The following C12orf42 variants were observed in gnomAD, a reference collection of about 807,000 sequenced individuals.
C12orf42 encodes the protein chromosome 12 open reading frame 42, also known as uncharacterized protein C12orf42.
A neutral mutation model predicts 21.6 loss-of-function variants in C12orf42; 25 were observed. The ratio of observed to expected loss-of-function variants is 1.16; its 90% CI spans 0.84 to 1.62. C12orf42 has a LOEUF of 1.62. Ranked by LOEUF, C12orf42 falls within the 40% of genes most tolerant of loss-of-function variation. The probability of loss-of-function intolerance (pLI) is 0.00; values close to 1 mark genes in which losing one functional copy is unlikely to be tolerated. For synonymous variants in C12orf42, 174 were observed against 175.0 expected, an observed-to-expected ratio of 0.99 and a Z score of 0.05; for missense variants, 483 against 459.3, an observed-to-expected ratio of 1.05 and a Z score of -0.47.
intron 2 of C12orf42, among the ~76,000 whole-genome samples, chr12:103,419,241 C>T (rs1420361805): frequency 1.3e-5 from 2 of 151,940 alleles, no homozygotes; most frequent in Non-Finnish European, 1.5e-5. Context: ...GGCAAAGAAC[C>T]TTAAAAAAAT....
chr12:103,524,833 C>T, the C12orf42 span, among the ~76,000 whole-genome samples: 2 of 152,032 alleles, frequency 1.3e-5, no homozygotes, highest in South Asian at 2.1e-4. Flanking sequence ...ATCACAGTGA[C>T]AAGAAAAGTT....
chr12:103,360,516 T>G (rs189869177), intron 4 of C12orf42, among the ~76,000 whole-genome samples: 1 of 152,190 alleles, frequency 6.6e-6, no homozygotes, highest in Admixed American at 6.6e-5. Context: ...GCAAATCATG[T>G]AATTATAAAC....
chr12:103,515,650 G>C, the C12orf42 span, among the ~76,000 whole-genome samples: 1 of 152,074 alleles, frequency 6.6e-6, no homozygotes, highest in South Asian at 2.1e-4. Flanking sequence ...AGAAGGGGTG[G>C]TTCCAAAAAA....
At chr12:103,136,774 T>C in the C12orf42 span, among the ~76,000 whole-genome samples, 21 of 152,232 alleles carry the variant, frequency 1.4e-4, no homozygotes, top group South Asian at 2.1e-4. Flanking sequence ...ACCTCATACA[T>C]TGGGGAAAGG....
chr12:103,149,988 C>T, the C12orf42 span, among the ~76,000 whole-genome samples: 11 of 152,242 alleles, frequency 7.2e-5, no homozygotes, highest in Admixed American at 2.0e-4. Context: ...TTTTTTATAA[C>T]ATCCTTCCCC....
At chr12:103,280,499 A>G (rs1422660640) in intron 4 of C12orf42, among the ~76,000 whole-genome samples, 1 of 152,010 alleles carries the variant, frequency 6.6e-6, no homozygotes, top group East Asian at 1.9e-4. Flanking sequence ...TGCACCTGTA[A>G]TCTCAGCTAC....
At chr12:103,309,210 C>T (rs1021750881) in intron 4 of C12orf42, among the ~76,000 whole-genome samples, 1 of 152,178 alleles carries the variant, frequency 6.6e-6, no homozygotes, top group African/African-American at 2.4e-5. Flanking sequence ...AGCAGGTCCA[C>T]TTATATAGGA....
At chr12:103,192,320 T>G in the C12orf42 span, among the ~76,000 whole-genome samples, 1 of 151,910 alleles carries the variant, frequency 6.6e-6, no homozygotes, top group Non-Finnish European at 1.5e-5. Context: ...CTGGCCAACA[T>G]GGTGAAACCC....
chr12:103,290,965 A>G (rs1593298888), intron 4 of C12orf42, among the ~76,000 whole-genome samples: 1 of 152,120 alleles, frequency 6.6e-6, no homozygotes, highest in Admixed American at 6.6e-5. Flanking sequence ...TAAAAGCCCA[A>G]TCTTCACCAC....
chr12:103,473,711 T>C (rs533425250), intron 2 of C12orf42, among the ~76,000 whole-genome samples: 2 of 152,306 alleles, frequency 1.3e-5, no homozygotes, highest in East Asian at 1.9e-4. Flanking sequence ...CTTGAAAACA[T>C]AGAGTTGGTA....
At chr12:103,276,086 T>A (rs1188605327) in intron 5 of C12orf42, among the ~76,000 whole-genome samples, 1 of 151,972 alleles carries the variant, frequency 6.6e-6, no homozygotes, top group African/African-American at 2.4e-5. Flanking sequence ...AAAACAAAAT[T>A]CCATTTAATT....
At chr12:103,226,987 C>T in the C12orf42 span, among the ~76,000 whole-genome samples, 1 of 152,170 alleles carries the variant, frequency 6.6e-6, no homozygotes. Flanking sequence ...ATTCAAAGTG[C>T]CATTTTCTGG....
chr12:103,212,858 T>C, the C12orf42 span, among the ~76,000 whole-genome samples: 3 of 152,102 alleles, frequency 2.0e-5, no homozygotes, highest in Non-Finnish European at 4.4e-5. Flanking sequence ...CTCCTGACTT[T>C]AACAATAAAC....
the C12orf42 span, among the ~76,000 whole-genome samples, chr12:103,057,950 G>A: frequency 6.6e-6 from 1 of 151,434 alleles, no homozygotes; most frequent in African/African-American, 2.4e-5. Flanking sequence ...CTAATGATCA[G>A]TGATAATGAG....
At chr12:103,491,034 C>A (rs552512053) in intron 1 of C12orf42, among the ~76,000 whole-genome samples, 4 of 152,208 alleles carry the variant, frequency 2.6e-5, no homozygotes, top group African/African-American at 9.6e-5. Context: ...TCCAGTCTGG[C>A]AATCATATAA....
intron 4 of C12orf42, among the ~76,000 whole-genome samples, chr12:103,357,806 G>C (rs2043723625): frequency 6.6e-6 from 1 of 152,080 alleles, no homozygotes; most frequent in Admixed American, 6.6e-5. Context: ...AATAAATTTA[G>C]GCAGCAGTAA....
At chr12:103,211,497 G>A in the C12orf42 span, among the ~76,000 whole-genome samples, 16 of 152,200 alleles carry the variant, frequency 1.1e-4, no homozygotes, top group Non-Finnish European at 2.2e-4. Flanking sequence ...ATCACTTGCT[G>A]TGAGAGAAGC....
intron 4 of C12orf42, among the ~76,000 whole-genome samples, chr12:103,317,551 G>T (rs1372960629): frequency 6.6e-6 from 1 of 152,130 alleles, no homozygotes; most frequent in African/African-American, 2.4e-5. Context: ...TAAAAACATT[G>T]GTCTGAGAGC....
intron 3 of C12orf42, among the ~76,000 whole-genome samples, chr12:103,373,929 T>C (rs2045475855): frequency 6.6e-6 from 1 of 152,218 alleles, no homozygotes; most frequent in South Asian, 2.1e-4. Context: ...TGGAGCATTA[T>C]CAATTTGATA....
Sources: gnomAD v4.1 joint callset for allele counts (sites outside exome capture counted in the v4.1 genomes callset) on GRCh38, gnomAD v4.1.1 for gene constraint, MANE v1.5 for transcripts, NCBI Gene and HGNC (gene_info 2026-07-23, HGNC 2026-07-21) for gene names.